The following MAP1LC3B variants were observed in gnomAD, a reference collection of about 807,000 sequenced individuals.
MAP1LC3B encodes microtubule-associated protein 1 light chain 3 beta.
MAP1LC3B carries 12 observed loss-of-function variants against 16.7 expected under a neutral mutation model. The observed-to-expected ratio is 0.72, with a 90% CI of 0.46 to 1.16. The LOEUF is 1.16. Among genes scored for constraint, MAP1LC3B ranks in the 50% most tolerant of loss-of-function variants. MAP1LC3B has a pLI of 0.00. For missense variants in MAP1LC3B, 155 were observed against 159.5 expected (o/e 0.97, Z 0.15); for synonymous variants, 63 against 56.5 (o/e 1.11, Z -0.51).
In MAP1LC3B at chr16:87,398,809, T is replaced by C. The variant is rs1451535189; in HGVS notation, c.41-6T>C. 1.2e-6 allele frequency: 2 copies of C among 1,613,952 alleles called. No homozygotes were observed. Among genetic ancestry groups the C allele is most frequent in the Non-Finnish European group, 1.7e-6 (2 of 1,179,924 alleles). ...GTAATGCTTCTGTCTCTTCATTTCA[T>C]TGCAGAACAAAGAGTAGAAGATGTC... On this transcript the variant is annotated splice_polypyrimidine_tract_variant and splice_region_variant and intron_variant, in intron 1 of 3. Coordinates refer to ENST00000268607, the MANE Select transcript of MAP1LC3B (RefSeq NM_022818.5).
At chr16:87,393,924 C>T (rs1294324822) in intron 1 of MAP1LC3B, among the ~76,000 whole-genome samples, 1 of 152,066 alleles carries the variant, frequency 6.6e-6, no homozygotes, top group African/African-American at 2.4e-5. Context: ...GGAGAGATGC[C>T]CTTTTTCTCA....
chr16:87,394,734 T>C (rs1907739685), intron 1 of MAP1LC3B, among the ~76,000 whole-genome samples: 1 of 152,144 alleles, frequency 6.6e-6, no homozygotes, highest in Non-Finnish European at 1.5e-5. Flanking sequence ...TCAGGAGACA[T>C]AGTGTGTCCT....
intron 1 of MAP1LC3B, 139 bp from the exon 2 acceptor site, chr16:87,398,676 C>A: frequency 1.3e-6 from 1 of 742,894 alleles, no homozygotes; most frequent in Non-Finnish European, 2.3e-6. Flanking sequence ...TGTTTTGTTT[C>A]TTTAAGTCCT....
At chr16:87,397,717 T>A (rs1371652364) in intron 1 of MAP1LC3B, among the ~76,000 whole-genome samples, 3 of 152,158 alleles carry the variant, frequency 2.0e-5, no homozygotes, top group African/African-American at 7.2e-5. Flanking sequence ...ATTTTTTCTG[T>A]CTCAGGAAGT....
rs1407655949 is a variant in MAP1LC3B, at chr16:87,392,402, G to A, written c.-26G>A. ...CCGCCGGGACCCTCGCGTCGTCGCC[G>A]CCGCCGCCGCCCAGATCCCTGCACC... On this transcript the variant is annotated 5_prime_UTR_variant, in exon 1 of 4. Coordinates refer to ENST00000268607, the MANE Select transcript of MAP1LC3B (RefSeq NM_022818.5). 3 of 1,418,886 alleles carry A rather than the reference G, an allele frequency of 2.1e-6. No homozygotes were observed. Among genetic ancestry groups the A allele is most frequent in the South Asian group, 1.4e-5 (1 of 69,624 alleles). 87.9% of individuals were successfully genotyped at this position (1,418,886 alleles called of 1,614,324 possible).
At chr16:87,398,186 C>T (rs1332318933) in intron 1 of MAP1LC3B, among the ~76,000 whole-genome samples, 1 of 152,016 alleles carries the variant, frequency 6.6e-6, no homozygotes, top group Non-Finnish European at 1.5e-5. Flanking sequence ...TCACGCCCGG[C>T]TAATTTTTAT....
intron 1 of MAP1LC3B, among the ~76,000 whole-genome samples, chr16:87,393,491 G>C (rs960236127): frequency 6.6e-6 from 1 of 152,154 alleles, no homozygotes; most frequent in Admixed American, 6.5e-5. Context: ...ATTCATTTGA[G>C]TTTGGATATA....
intron 2 of MAP1LC3B, chr16:87,399,202 C>T: frequency 3.3e-6 from 1 of 301,488 alleles, no homozygotes; most frequent in South Asian, 3.5e-5. Context: ...GAGACAGGGT[C>T]TTGCTATGTT....
chr16:87,402,051 G>A (rs538982168), intron 2 of MAP1LC3B, 124 bp from the exon 3 acceptor site: 2 of 751,798 alleles, frequency 2.7e-6, no homozygotes, highest in Middle Eastern at 3.9e-4. Flanking sequence ...TAGCCAGGGT[G>A]GTCTCAGTCT....
chr16:87,402,452 T>C (rs754384646), intron 3 of MAP1LC3B, 171 bp downstream of exon 3: 2 of 690,542 alleles, frequency 2.9e-6, no homozygotes, highest in African/African-American at 1.8e-5. Flanking sequence ...AACTATAAAA[T>C]GTTTCTTTTT....
At chr16:87,399,154 A>T (rs1008703121) in intron 2 of MAP1LC3B, 1 of 404,272 alleles carries the variant, frequency 2.5e-6, no homozygotes, top group Non-Finnish European at 4.5e-6. Flanking sequence ...CTAGAGGCAC[A>T]CACCACTACA....
chr16:87,399,527 C>G, intron 2 of MAP1LC3B: 1 of 441,558 alleles, frequency 2.3e-6, no homozygotes, highest in South Asian at 1.6e-5. Flanking sequence ...TACAAATAAG[C>G]ATTTTTCTTT....
intron 1 of MAP1LC3B, among the ~76,000 whole-genome samples, chr16:87,396,456 CAG>C (rs1465856556): frequency 4.1e-5 from 6 of 148,014 alleles, no homozygotes; most frequent in African/African-American, 1.5e-4. Flanking sequence ...GCCTGAGTGA[CAG>C]AGCAAGACTC....
intron 1 of MAP1LC3B, 91 bp downstream of exon 1, chr16:87,392,558 G>A (rs1409443976): frequency 2.6e-5 from 30 of 1,148,404 alleles, no homozygotes; most frequent in Non-Finnish European, 3.1e-5. Context: ...AGGGGTCGGG[G>A]CCGAGCCGGG....
chr16:87,398,999 C>G (rs960018961), intron 2 of MAP1LC3B, 129 bp downstream of exon 2: 30 of 765,502 alleles, frequency 3.9e-5, no homozygotes, highest in Non-Finnish European at 5.5e-5. Flanking sequence ...GTTTCACAAC[C>G]TAGAGAGAGG....
chr16:87,402,729 A>G (rs1908039027), intron 3 of MAP1LC3B, 194 bp from the exon 4 acceptor site: 3 of 688,390 alleles, frequency 4.4e-6, no homozygotes, highest in Non-Finnish European at 2.4e-6. Context: ...TCAGCCTAAT[A>G]TGTAATCTTT....
rs1908119071 is a variant in MAP1LC3B at position 87,404,712 on chromosome 16, T to G, written c.*1615T>G. 6.6e-6 allele frequency: 1 copy of G among 152,194 alleles called. No homozygotes were observed. The highest frequency in any genetic ancestry group is 1.5e-5 in the Non-Finnish European group (1 of 68,034). The allele number at this position is 152,194 out of a possible 1,614,324, so 9.4% of individuals were successfully genotyped here. On this transcript the variant is annotated 3_prime_UTR_variant, in exon 4 of 4. Coordinates refer to ENST00000268607, the MANE Select transcript of MAP1LC3B (RefSeq NM_022818.5). The stretch of plus-strand genomic sequence containing the variant: ...ATCCCATGTGAGTGGTCACTTTATT[T>G]ATAGGATCTTTAAAACATTTTTAAT...
At chr16:87,392,499 C>T (rs1173174048) in intron 1 of MAP1LC3B, 32 bp downstream of exon 1, 3 of 1,297,150 alleles carry the variant, frequency 2.3e-6, no homozygotes, top group Admixed American at 4.3e-5. Context: ...GCGGGTGCGG[C>T]GGGGCCGGGG....
intron 1 of MAP1LC3B, among the ~76,000 whole-genome samples, chr16:87,393,892 G>A (rs376856637): frequency 6.6e-6 from 1 of 152,334 alleles, no homozygotes; most frequent in African/African-American, 2.4e-5. Flanking sequence ...CCAATGAAAA[G>A]TTAACTGGGA....
Sources: gnomAD v4.1 joint callset for allele counts (sites outside exome capture counted in the v4.1 genomes callset) on GRCh38, gnomAD v4.1.1 for gene constraint, MANE v1.5 for transcripts, NCBI Gene and HGNC (gene_info 2026-07-23, HGNC 2026-07-21) for gene names.